The following PRLR variants were observed in gnomAD, a reference collection of about 807,000 sequenced individuals.
PRLR encodes the protein prolactin receptor, also known as hPRL receptor.
PRLR carries 13 observed loss-of-function variants against 40.2 expected under a neutral mutation model. The observed-to-expected ratio is 0.32, with a 90% CI of 0.21 to 0.51. PRLR has a LOEUF of 0.51. PRLR is among the 20% of genes least tolerant of loss of function. PRLR has a pLI of 0.97. For missense variants in PRLR, 656 were observed against 747.3 expected, an observed-to-expected ratio of 0.88 and a Z score of 1.42; for synonymous variants, 269 against 278.7, an observed-to-expected ratio of 0.97 and a Z score of 0.35.
At chr5:35,172,639 C>T (rs754981360) in intron 1 of PRLR, among the ~76,000 whole-genome samples, 4 of 152,132 alleles carry the variant, frequency 2.6e-5, no homozygotes, top group Non-Finnish European at 4.4e-5. Context: ...ATTGTCAAGC[C>T]CTTCTCAGTT....
intron 1 of PRLR, among the ~76,000 whole-genome samples, chr5:35,157,926 A>G (rs1331266753): frequency 1.3e-5 from 2 of 152,150 alleles, no homozygotes; most frequent in African/African-American, 4.8e-5. Flanking sequence ...TACATTAAAA[A>G]TTTGTTCCTT....
intron 2 of PRLR, among the ~76,000 whole-genome samples, chr5:35,115,207 C>G (rs2111686372): frequency 6.6e-6 from 1 of 152,244 alleles, no homozygotes; most frequent in South Asian, 2.1e-4. Context: ...GCTACTGTAT[C>G]AGACAGTACA....
chr5:35,081,389 G>C, intron 5 of PRLR: 1 of 217,510 alleles, frequency 4.6e-6, no homozygotes, highest in Non-Finnish European at 9.3e-6. Flanking sequence ...AAGCTCAATG[G>C]CATGGCCTTC....
At chr5:35,147,162 T>C (rs1191595930) in intron 1 of PRLR, among the ~76,000 whole-genome samples, 2 of 152,174 alleles carry the variant, frequency 1.3e-5, no homozygotes, top group Non-Finnish European at 2.9e-5. Context: ...ATTTCTTAAA[T>C]ATCAAACCAG....
At chr5:35,175,216 G>A (rs955951114) in intron 1 of PRLR, among the ~76,000 whole-genome samples, 54 of 152,082 alleles carry the variant, frequency 3.6e-4, no homozygotes, top group African/African-American at 1.2e-3. Context: ...TAATGGGGGC[G>A]GGTATTTCCC....
intron 1 of PRLR, among the ~76,000 whole-genome samples, chr5:35,155,068 C>T (rs988667444): frequency 3.3e-5 from 5 of 150,766 alleles, no homozygotes; most frequent in African/African-American, 1.2e-4. Context: ...ATGGGAGGAT[C>T]TGTGCAGCAA....
At chr5:35,204,224 AAT>A (rs1215198859) in intron 1 of PRLR, among the ~76,000 whole-genome samples, 12 of 150,988 alleles carry the variant, frequency 7.9e-5, no homozygotes, top group Admixed American at 2.7e-4. Flanking sequence ...CAAAAAAAAA[AAT>A]AATAAATAAA....
At chr5:35,119,585 C>T (rs188097745) in intron 1 of PRLR, among the ~76,000 whole-genome samples, 1 of 152,204 alleles carries the variant, frequency 6.6e-6, no homozygotes, top group East Asian at 1.9e-4. Context: ...ATGTCTGGGG[C>T]ACGTTTCTTA....
intron 1 of PRLR, among the ~76,000 whole-genome samples, chr5:35,204,674 A>G (rs1002788635): frequency 1.3e-5 from 2 of 152,196 alleles, no homozygotes; most frequent in Non-Finnish European, 2.9e-5. Context: ...ACAACCTGGA[A>G]GAATCTTCAC....
chr5:35,088,089 T>A (rs1004950607), intron 3 of PRLR, among the ~76,000 whole-genome samples: 37 of 152,304 alleles, frequency 2.4e-4, no homozygotes, highest in African/African-American at 8.9e-4. Context: ...GGGAAGAGGA[T>A]TCTCTAGGCA....
downstream of PRLR, among the ~76,000 whole-genome samples, chr5:35,051,724 GA>G: frequency 6.6e-6 from 1 of 152,290 alleles, no homozygotes; most frequent in African/African-American, 2.4e-5. Flanking sequence ...TGCATCAAAT[GA>G]GAAGGAGAGA....
intron 6 of PRLR, among the ~76,000 whole-genome samples, chr5:35,070,841 C>CAAA (rs34668616): frequency 5.2e-4 from 36 of 68,898 alleles, no homozygotes; most frequent in East Asian, 1.6e-3. Context: ...AACTCCGTCT[C>CAAA]AAAAAAAAAA....
At chr5:35,120,840 T>A (rs984422112) in intron 1 of PRLR, among the ~76,000 whole-genome samples, 7 of 152,234 alleles carry the variant, frequency 4.6e-5, no homozygotes, top group African/African-American at 1.4e-4. Flanking sequence ...TTGAGAGAGT[T>A]TTTCTTCAAG....
At chr5:35,137,930 A>C (rs1773908829) in intron 1 of PRLR, among the ~76,000 whole-genome samples, 1 of 152,228 alleles carries the variant, frequency 6.6e-6, no homozygotes, top group Admixed American at 6.5e-5. Flanking sequence ...GCGAGACTCC[A>C]TCTCAAAGCA....
intron 6 of PRLR, among the ~76,000 whole-genome samples, chr5:35,071,705 C>T (rs546972400): frequency 2.7e-5 from 4 of 150,768 alleles, no homozygotes; most frequent in Admixed American, 2.0e-4. Context: ...TTAAGCAATT[C>T]TCCTGCCTCA....
chr5:35,219,461 T>G (rs896031227), intron 1 of PRLR, among the ~76,000 whole-genome samples: 1 of 152,154 alleles, frequency 6.6e-6, no homozygotes, highest in Non-Finnish European at 1.5e-5. Context: ...AACATGAAAT[T>G]CTTAAAACAA....
In PRLR at chr5:35,065,480, A is replaced by C. The variant is rs1008991722; in HGVS notation, c.1478T>G (p.Leu493Arg). 2 of 1,614,190 alleles carry C rather than the reference A, an allele frequency of 1.2e-6. No individual in the cohort carries two copies. Among genetic ancestry groups the C allele is most frequent in the Admixed American group, 3.3e-5 (2 of 60,022 alleles). ...AAAGGGGGTTTTCTCCTGGGGCAGC[A>C]GCCAGGGCGTATCCTGGTCAGTCTC... ...HSETDQDTPW[L>R]LPQEKTPFGS... The change falls in exon 10 of 10, where the codon CTG becomes CGG. Residue 493 changes from leucine to arginine, a missense_variant. Leu to Arg is a moderately radical substitution (Grantham distance 102). Coordinates refer to ENST00000618457, the MANE Select transcript of PRLR (RefSeq NM_000949.7).
intron 2 of PRLR, among the ~76,000 whole-genome samples, chr5:35,108,721 T>G (rs1318009759): frequency 2.0e-5 from 3 of 151,940 alleles, no homozygotes; most frequent in Non-Finnish European, 4.4e-5. Flanking sequence ...AAAGAGGACA[T>G]AAACAAATGG....
rs140959267 is a variant in PRLR, at chr5:35,065,253, C to T, written c.1705G>A (p.Val569Met). ...TTGGCTGATTCTTCAAAGCAAGCCA[C>T]GTTTTTAGCATGTGGATCTGGCACC... ...VLVPDPHAKN[V>M]ACFEESAKEA... The change falls in exon 10 of 10, where the codon GTG (valine) becomes ATG (methionine). Residue 569 changes from valine (V) to methionine (M), a missense_variant. This residue lies in a region of PRLR where 469 missense variants were observed against 491.5 expected (regional missense o/e 0.95). Transcript: ENST00000618457. 133 of 1,614,002 alleles carry T rather than the reference C, an allele frequency of 8.2e-5. No individual in the cohort carries two copies. The highest frequency in any genetic ancestry group is 2.0e-4 in the South Asian group (18 of 91,078).
Sources: allele counts gnomAD v4.1 joint callset (sites outside exome capture counted in the v4.1 genomes callset), GRCh38; gene constraint gnomAD v4.1.1; regional missense constraint gnomAD v4.1.1; transcripts MANE v1.5; gene names NCBI Gene and HGNC (gene_info 2026-07-23, HGNC 2026-07-21).